Variants in XIRP2 observed in about 807,000 individuals in gnomAD.
XIRP2 encodes the protein xin actin binding repeat containing 2.
XIRP2 carries 236 observed loss-of-function variants against 277.0 expected under a neutral mutation model. The ratio of observed to expected loss-of-function variants is 0.85; its 90% CI spans 0.77 to 0.95. The LOEUF is 0.95. Ranked by LOEUF, XIRP2 falls within the 40% of genes least tolerant of loss-of-function variation. The pLI, the probability that XIRP2 is intolerant of heterozygous loss-of-function variation, is 0.00. For missense variants in XIRP2, 4,640 were observed against 4,157.5 expected, an observed-to-expected ratio of 1.12 and a Z score of -3.19; for synonymous variants, 1,490 against 1,416.5, an observed-to-expected ratio of 1.05 and a Z score of -1.17.
Position 166,940,830 on chromosome 2 carries a change from G to A in XIRP2, c.408+36940G>A, listed in dbSNP as rs1685688394. 3.3e-5 allele frequency among the ~76,000 whole-genome samples: 5 copies of A among 152,140 alleles called. No individual in the cohort carries two copies. In the South Asian group the frequency reaches 1.0e-3, roughly 31 times the overall value. ...AAGCTTCATCTCAGAGGGGTACCTG[G>A]CCATGTGGGGTGTCAGTCTGCCCCT... On this transcript the variant is annotated intron_variant, in intron 2 of 10. Transcript: ENST00000409195.
chr2:166,915,211 G>T (rs1439578497), intron 2 of XIRP2, among the ~76,000 whole-genome samples: 1 of 142,222 alleles, frequency 7.0e-6, no homozygotes, highest in African/African-American at 2.6e-5. Flanking sequence ...TGAGGCAGGA[G>T]AATGGCATGA....
intron 2 of XIRP2, among the ~76,000 whole-genome samples, chr2:167,102,317 G>A (rs1690507765): frequency 6.6e-6 from 1 of 152,122 alleles, no homozygotes; most frequent in Non-Finnish European, 1.5e-5. Flanking sequence ...GAAGTCCTTT[G>A]GGATTATGGC....
chr2:167,187,200 T>A, intron 3 of XIRP2: 2 of 966,686 alleles, frequency 2.1e-6, no homozygotes, highest in Non-Finnish European at 2.5e-6. Flanking sequence ...GTTAGAGCCA[T>A]GCATACATTA....
intron 2 of XIRP2, among the ~76,000 whole-genome samples, chr2:167,076,706 G>C (rs1689581690): frequency 6.6e-6 from 1 of 152,208 alleles, no homozygotes; most frequent in African/African-American, 2.4e-5. Flanking sequence ...TATTTTTGAA[G>C]TGGAAGATCC....
chr2:166,968,299 C>A (rs757012246), intron 2 of XIRP2, among the ~76,000 whole-genome samples: 1 of 151,864 alleles, frequency 6.6e-6, no homozygotes, highest in African/African-American at 2.4e-5. Flanking sequence ...AAATTGCTTA[C>A]GTAGAATTGG....
chr2:167,193,791 T>A (rs1021353558), intron 3 of XIRP2, among the ~76,000 whole-genome samples: 2 of 147,198 alleles, frequency 1.4e-5, no homozygotes, highest in African/African-American at 5.0e-5. Flanking sequence ...GGCAGGAGAA[T>A]CACTTGAACT....
At chr2:167,012,334 C>G (rs1687703951) in intron 2 of XIRP2, among the ~76,000 whole-genome samples, 2 of 151,696 alleles carry the variant, frequency 1.3e-5, no homozygotes, top group Admixed American at 1.3e-4. Context: ...TTAATCAAAT[C>G]AACAGAAGTT....
At chr2:167,061,987 T>C (rs1300008030) in intron 2 of XIRP2, among the ~76,000 whole-genome samples, 1 of 152,228 alleles carries the variant, frequency 6.6e-6, no homozygotes, top group Non-Finnish European at 1.5e-5. Context: ...GATAAACATA[T>C]ATTGAATATA....
chr2:167,187,833 A>C (rs1693202948), intron 3 of XIRP2, among the ~76,000 whole-genome samples: 1 of 152,176 alleles, frequency 6.6e-6, no homozygotes, highest in South Asian at 2.1e-4. Context: ...TAAGAGGGAA[A>C]GCACAGAAAA....
intron 2 of XIRP2, among the ~76,000 whole-genome samples, chr2:166,960,476 A>G (rs1488452970): frequency 6.6e-6 from 1 of 151,712 alleles, no homozygotes; most frequent in Non-Finnish European, 1.5e-5. Flanking sequence ...TGGTGATCAT[A>G]TTACTGAATG....
At chr2:167,051,611 A>G (rs1030265172) in intron 2 of XIRP2, among the ~76,000 whole-genome samples, 7 of 152,096 alleles carry the variant, frequency 4.6e-5, no homozygotes, top group Admixed American at 2.0e-4. Context: ...TTTTGAAAGG[A>G]AACCTTAAGA....
At chr2:166,935,681 T>A (rs978035468) in intron 2 of XIRP2, among the ~76,000 whole-genome samples, 3 of 152,150 alleles carry the variant, frequency 2.0e-5, no homozygotes, top group Admixed American at 6.5e-5. Context: ...TTTGTGCCTG[T>A]GATAGTTTGC....
At chr2:167,032,133 C>T (rs774762791) in intron 2 of XIRP2, among the ~76,000 whole-genome samples, 3 of 152,008 alleles carry the variant, frequency 2.0e-5, no homozygotes, top group Non-Finnish European at 4.4e-5. Context: ...AGAAGAAAGA[C>T]CTCAGAAATG....
chr2:167,139,569 A>G (rs934958253), intron 3 of XIRP2, among the ~76,000 whole-genome samples: 2 of 152,152 alleles, frequency 1.3e-5, no homozygotes, highest in Admixed American at 6.5e-5. Context: ...GACGGGTTTT[A>G]CAAAACAAAC....
chr2:167,078,906 G>A (rs1211836963), intron 2 of XIRP2, among the ~76,000 whole-genome samples: 1 of 151,396 alleles, frequency 6.6e-6, no homozygotes, highest in African/African-American at 2.4e-5. Context: ...TTGAATAGGA[G>A]TGGTAACAGT....
At chr2:166,946,546 T>A (rs1028611684) in intron 2 of XIRP2, among the ~76,000 whole-genome samples, 1 of 152,158 alleles carries the variant, frequency 6.6e-6, no homozygotes, top group African/African-American at 2.4e-5. Flanking sequence ...ACCAGTGATA[T>A]TGGGAATTAG....
At chr2:167,122,297 A>G (rs1031937883) in intron 2 of XIRP2, among the ~76,000 whole-genome samples, 3 of 152,176 alleles carry the variant, frequency 2.0e-5, no homozygotes, top group African/African-American at 7.2e-5. Context: ...CAGGACTAGA[A>G]TTGTAGCTTT....
chr2:167,152,097 T>G lies in XIRP2; in HGVS notation c.562+16035T>G, dbSNP rs16853083. 8.1e-3 allele frequency among the ~76,000 whole-genome samples: 1,228 copies of G among 152,188 alleles called. 43 individuals carry two copies. In the East Asian group the frequency reaches 0.094, roughly 12 times the overall value. On this transcript the variant is annotated intron_variant, in intron 3 of 10. Transcript: ENST00000409195. ...AAATGTCCCAACTGTGTACTTGTGT[T>G]TCAGATGGATTCAGGACATGCTACC...
intron 2 of XIRP2, among the ~76,000 whole-genome samples, chr2:166,980,557 C>T (rs1027771785): frequency 2.0e-5 from 3 of 152,112 alleles, no homozygotes; most frequent in Admixed American, 2.0e-4. Context: ...GCTGGAATTA[C>T]AGGCACCCGC....
Sources: allele counts gnomAD v4.1 joint callset (sites outside exome capture counted in the v4.1 genomes callset), GRCh38; gene constraint gnomAD v4.1.1; transcripts MANE v1.5; gene names NCBI Gene and HGNC (gene_info 2026-07-23, HGNC 2026-07-21).